AOPEP: variants seen among roughly 807,000 people sequenced by gnomAD.
The protein encoded by AOPEP is aminopeptidase O (putative), also known as aminopeptidase O.
A neutral mutation model predicts 98.1 loss-of-function variants in AOPEP; 77 were observed. The ratio of observed to expected loss-of-function variants is 0.78; its 90% confidence interval spans 0.65 to 0.95. AOPEP has a LOEUF of 0.95. Among genes scored for constraint, AOPEP ranks in the 40% least tolerant of loss-of-function variants. The pLI is 0.00. For synonymous variants in AOPEP, 346 were observed against 365.3 expected (o/e 0.95, Z 0.60); for missense variants, 1,024 against 1,024.7 (o/e 1.00, Z 0.01).
chr9:94,740,292 G>T (rs965041457), intron 1 of AOPEP, among the ~76,000 whole-genome samples: 1 of 152,100 alleles, frequency 6.6e-6, no homozygotes, highest in Admixed American at 6.5e-5. Flanking sequence ...TATTGCTTGG[G>T]CTATGAGAGT....
rs150876044 is a variant in AOPEP at position 94,759,415 on chromosome 9, T to G, written c.-135-234T>G. On this transcript the variant is annotated intron_variant, in intron 1 of 16. Transcript: ENST00000375315. ...AGGACAGTTCTCATTGGAGCGTGCT[T>G]CTTCTGGCTTTGTGGAGGCCCATGC... Among the ~76,000 whole-genome samples, 101 of 152,374 alleles carry G rather than the reference T, an allele frequency of 6.6e-4. No homozygotes were observed. The East Asian group carries it at 0.016, about 25-fold the overall frequency.
chr9:95,013,512 T>G (rs1349961740), intron 13 of AOPEP, among the ~76,000 whole-genome samples: 1 of 152,094 alleles, frequency 6.6e-6, no homozygotes, highest in African/African-American at 2.4e-5. Context: ...TTGGACTGTG[T>G]CTACAATGTC....
At chr9:94,738,315 T>G (rs903184656) in intron 1 of AOPEP, among the ~76,000 whole-genome samples, 1 of 152,202 alleles carries the variant, frequency 6.6e-6, no homozygotes, top group African/African-American at 2.4e-5. Flanking sequence ...AGGTTCCTGT[T>G]GCCTGCTCAG....
intron 5 of AOPEP, among the ~76,000 whole-genome samples, chr9:94,831,919 C>T (rs1856062592): frequency 6.6e-6 from 1 of 152,106 alleles, no homozygotes; most frequent in South Asian, 2.1e-4. Flanking sequence ...AGGTGGACTG[C>T]TTCCATTAAG....
chr9:94,988,116 T>C (rs577472950), intron 11 of AOPEP, among the ~76,000 whole-genome samples: 1 of 152,328 alleles, frequency 6.6e-6, no homozygotes, highest in Non-Finnish European at 1.5e-5. Flanking sequence ...GCTCTTCATT[T>C]ACATGGATAC....
intron 13 of AOPEP, among the ~76,000 whole-genome samples, chr9:95,060,056 T>G (rs2067195326): frequency 6.6e-6 from 1 of 152,230 alleles, no homozygotes; most frequent in African/African-American, 2.4e-5. Flanking sequence ...TAACACCACT[T>G]TTGACCATTC....
chr9:94,833,115 G>A (rs2041091918), intron 5 of AOPEP, among the ~76,000 whole-genome samples: 1 of 150,956 alleles, frequency 6.6e-6, no homozygotes, highest in African/African-American at 2.4e-5. Flanking sequence ...TTTGTGTTTT[G>A]AGTAGAGATG....
chr9:94,816,053 G>A (rs576802987), intron 5 of AOPEP, among the ~76,000 whole-genome samples: 8 of 152,262 alleles, frequency 5.3e-5, no homozygotes, highest in East Asian at 1.9e-4. Flanking sequence ...GCCTTCACAA[G>A]GTGACCCTGG....
At chr9:94,946,170 G>A (rs969859233) in intron 7 of AOPEP, among the ~76,000 whole-genome samples, 2 of 152,172 alleles carry the variant, frequency 1.3e-5, no homozygotes, top group Admixed American at 6.5e-5. Flanking sequence ...AATTCATTTA[G>A]TTTAGTTTTT....
At chr9:94,814,411 A>G (rs532121311) in intron 5 of AOPEP, among the ~76,000 whole-genome samples, 22 of 152,316 alleles carry the variant, frequency 1.4e-4, no homozygotes, top group Admixed American at 1.1e-3. Flanking sequence ...TGGGCCTTGG[A>G]TGGAGAGACC....
At chr9:94,916,711 T>TAA (rs1258413400) in intron 5 of AOPEP, among the ~76,000 whole-genome samples, 10 of 137,052 alleles carry the variant, frequency 7.3e-5, no homozygotes, top group African/African-American at 2.8e-4. Flanking sequence ...AAAAAAAAAT[T>TAA]AAATAAATAA....
At position 94,919,957 on chromosome 9, in the gene AOPEP, G is replaced by T. The variant is rs142537736; in HGVS notation, c.1365-4029G>T. On this transcript the variant is annotated intron_variant, in intron 5 of 16. Transcript: ENST00000375315. ...CATAAGAAGTACCAGCTTGATAAATGTAAGTCTGTATGATGCCTCCCAAGG... is the reference window on the plus strand; with the variant it reads ...CATAAGAAGTACCAGCTTGATAAATTTAAGTCTGTATGATGCCTCCCAAGG... Among the ~76,000 whole-genome samples, 10 of 152,316 alleles carry T rather than the reference G, an allele frequency of 6.6e-5. No individual in the cohort carries two copies. In the East Asian group the frequency reaches 1.5e-3, roughly 24 times the overall value.
intron 6 of AOPEP, 104 bp from the exon 7 acceptor site, chr9:94,928,321 G>A: frequency 2.6e-6 from 2 of 784,098 alleles, no homozygotes; most frequent in Non-Finnish European, 2.0e-6. Flanking sequence ...GAGAGCAGGG[G>A]CAGGCTATCT....
chr9:95,035,108 A>G (rs998075250), intron 13 of AOPEP, among the ~76,000 whole-genome samples: 2 of 151,172 alleles, frequency 1.3e-5, no homozygotes, highest in Non-Finnish European at 2.9e-5. Flanking sequence ...TCCTAATGCT[A>G]TCCCTCCCCC....
At chr9:95,005,343 G>A in intron 12 of AOPEP, 123 bp downstream of exon 12, 1 of 719,234 alleles carries the variant, frequency 1.4e-6, no homozygotes, top group Non-Finnish European at 1.9e-6. Flanking sequence ...GCTCCGGCTC[G>A]GGCGCGGGGA....
chr9:94,770,529 C>G (rs1840631465), intron 2 of AOPEP, among the ~76,000 whole-genome samples: 1 of 152,158 alleles, frequency 6.6e-6, no homozygotes, highest in Non-Finnish European at 1.5e-5. Context: ...GTGGCTGTTG[C>G]AGGCTTTGGT....
At chr9:95,114,404 G>T in the AOPEP span, 211 of 620,656 alleles carry the variant, frequency 3.4e-4, no homozygotes, top group African/African-American at 3.6e-3. Flanking sequence ...TTCGATACAG[G>T]TATTGGCACA....
At chr9:95,129,678 A>G in the AOPEP span, among the ~76,000 whole-genome samples, 2 of 152,140 alleles carry the variant, frequency 1.3e-5, no homozygotes. Context: ...TCTCTTCTCC[A>G]TCTGGCCTAA....
At chr9:94,928,922 G>A (rs1005387965) in intron 7 of AOPEP, 2 of 185,570 alleles carry the variant, frequency 1.1e-5, no homozygotes, top group African/African-American at 4.8e-5. Flanking sequence ...AGTGTTTAGT[G>A]GTCACAGATG....
Sources: allele counts gnomAD v4.1 joint callset (sites outside exome capture counted in the v4.1 genomes callset), GRCh38; gene constraint gnomAD v4.1.1; transcripts MANE v1.5; gene names NCBI Gene and HGNC (gene_info 2026-07-23, HGNC 2026-07-21).